PLXNC1: variants seen among roughly 807,000 people sequenced by gnomAD.
The protein encoded by PLXNC1 is plexin C1, also known as plexin-C1.
PLXNC1 carries 75 observed loss-of-function variants against 178.2 expected under a neutral mutation model. The observed-to-expected ratio is 0.42, with a 90% CI of 0.35 to 0.51. The LOEUF (loss-of-function observed/expected upper bound fraction) is 0.51. Ranked by LOEUF, PLXNC1 falls within the 20% of genes least tolerant of loss-of-function variation. The pLI, the probability that PLXNC1 is intolerant of heterozygous loss-of-function variation, is 0.02. For missense variants in PLXNC1, 1,503 were observed against 1,984.4 expected (o/e 0.76, Z 4.61); for synonymous variants, 790 against 779.9 (o/e 1.01, Z -0.22).
At chr12:94,165,319 A>C (rs1411568309) in intron 1 of PLXNC1, among the ~76,000 whole-genome samples, 1 of 152,200 alleles carries the variant, frequency 6.6e-6, no homozygotes, top group African/African-American at 2.4e-5. Context: ...AATAAGCATA[A>C]GAAAGCCATT....
Position 94,149,335 on chromosome 12 carries a change from C to A in PLXNC1, c.364C>A (p.Leu122Met). Residue 122 changes from leucine (L) to methionine (M), a missense_variant, in exon 1 of 31, where the codon CTG becomes ATG. This residue lies in a region of PLXNC1 where 176 missense variants were observed against 180.7 expected (regional missense o/e 0.97). Coordinates refer to ENST00000258526, the MANE Select transcript of PLXNC1 (RefSeq NM_005761.3). ...CGAGGGGGCGGCCGGCCTCGGGGGGCTGCTGCTCACCGGCTGGACCTTCGA... is the reference window on the plus strand; with the variant it reads ...CGAGGGGGCGGCCGGCCTCGGGGGGATGCTGCTCACCGGCTGGACCTTCGA... ...YREGAAGLGG[L>M]LLTGWTFDRG... 7 of 1,440,180 alleles carry A rather than the reference C, an allele frequency of 4.9e-6. No homozygotes were observed. The highest frequency in any genetic ancestry group is 6.3e-6 in the Non-Finnish European group (7 of 1,106,432). The allele number at this position is 1,440,180 out of a possible 1,614,324, so 89.2% of individuals were successfully genotyped here.
In PLXNC1 at chr12:94,303,748, T is replaced by C. The variant is rs1057978; in HGVS notation, c.4387-8T>C. On this transcript the variant is annotated splice_region_variant and splice_polypyrimidine_tract_variant and intron_variant, in intron 28 of 30. Coordinates refer to ENST00000258526, the MANE Select transcript of PLXNC1 (RefSeq NM_005761.3). ...TGATGGTTGCTTTTTTTTTTTTTTT[T>C]TCCCCAGGAAGCACCAACTAATAAG... 7,700 of 1,406,850 alleles carry C rather than the reference T, an allele frequency of 5.5e-3. 327 individuals carry two copies. The African/African-American group carries it at 0.099, about 18-fold the overall frequency. The allele number at this position is 1,406,850 out of a possible 1,614,324, so 87.1% of individuals were successfully genotyped here.
rs562626066 is a variant in PLXNC1 at position 94,177,113 on chromosome 12, A to G, written c.1204-4333A>G. On this transcript the variant is annotated intron_variant, in intron 2 of 30. Coordinates refer to ENST00000258526, the MANE Select transcript of PLXNC1 (RefSeq NM_005761.3). ...TGTGTATATATATATGTGTGTGTGT[A>G]TATATGTGTGTGTGTGTATATATAT... Among the ~76,000 whole-genome samples, 302 of 88,918 alleles carry G rather than the reference A, an allele frequency of 3.4e-3. 1 individual carries two copies. Among genetic ancestry groups the G allele is most frequent in the Admixed American group, 0.02 (175 of 8,972 alleles). 58.3% of individuals were successfully genotyped at this position (88,918 alleles called of 152,430 possible). A position where few individuals can be genotyped will look rare whatever the true frequency, so the allele number is the denominator to read the frequency against.
intron 14 of PLXNC1, among the ~76,000 whole-genome samples, chr12:94,250,457 A>C (rs1964649887): frequency 6.6e-6 from 1 of 152,166 alleles, no homozygotes; most frequent in Non-Finnish European, 1.5e-5. Context: ...CAGGTGGCAG[A>C]GCTGGTATGG....
At position 94,209,671 on chromosome 12, in the gene PLXNC1, T is replaced by TA; in HGVS notation, c.1525dup (p.Ile509AsnfsTer8). ...TTTCGTCTGGAGCAAAAAAGTGCCC[T>TA]AAAATTCAGATAATTCGAAGCAGTA... is the stretch of plus-strand genomic sequence containing the variant. On this transcript the variant is annotated frameshift_variant, in exon 5 of 31. Coordinates refer to ENST00000258526, the MANE Select transcript of PLXNC1 (RefSeq NM_005761.3). LOFTEE classifies it high-confidence loss of function. The TA allele has an allele frequency of 6.2e-7, 1 of 1,610,768 alleles. No homozygotes were observed.
At chr12:94,176,631 T>C (rs1238195346) in intron 2 of PLXNC1, among the ~76,000 whole-genome samples, 1 of 152,188 alleles carries the variant, frequency 6.6e-6, no homozygotes, top group South Asian at 2.1e-4. Context: ...ATGATATTGT[T>C]TAAAACTCAA....
chr12:94,168,000 C>G (rs965742044), intron 1 of PLXNC1: 2 of 152,142 alleles, frequency 1.3e-5, no homozygotes, highest in Non-Finnish European at 2.9e-5. Flanking sequence ...GTTAATGAAA[C>G]TTGGTGGGTT....
chr12:94,237,666 C>A lies in PLXNC1; in HGVS notation c.1983C>A (p.Val661=). 6.2e-7 allele frequency: 1 copy of A among 1,612,706 alleles called. No individual in the cohort carries two copies. The highest frequency in any genetic ancestry group is 1.1e-5 in the South Asian group (1 of 90,874). The change falls in exon 10 of 31, where the codon GTC becomes GTA. Residue 661 remains valine, a splice_region_variant and synonymous_variant. Transcript: ENST00000258526. ...KGNRTNQALQ[V]FYIKSIEPQK... is the part of the protein sequence containing the mutation. ...TTTTAATCTTTTCTTTCCAATAGGT[C>A]TTCTACATTAAGTCCATTGAGCCAC...
At position 94,274,156 on chromosome 12, in the gene PLXNC1, A is replaced by T. The variant is rs111669183; in HGVS notation, c.3598-5316A>T. Among the ~76,000 whole-genome samples, 215 of 23,088 alleles carry T rather than the reference A, an allele frequency of 9.3e-3. 3 individuals carry two copies. Among genetic ancestry groups the T allele is most frequent in the African/African-American group, 0.018 (206 of 11,464 alleles). The allele number at this position is 23,088 out of a possible 152,430, so 15.1% of individuals were successfully genotyped here. A position where few individuals can be genotyped will look rare whatever the true frequency, so the allele number is the denominator to read the frequency against. On this transcript the variant is annotated intron_variant, in intron 21 of 30. Coordinates refer to ENST00000258526, the MANE Select transcript of PLXNC1 (RefSeq NM_005761.3). ...GGCAACACAGCAAGACCCTGTCTCTAAAAAAAAAAAAAAAAAAAAAAAAAA... is the reference window on the plus strand; with the variant it reads ...GGCAACACAGCAAGACCCTGTCTCTTAAAAAAAAAAAAAAAAAAAAAAAAA...
At position 94,185,174 on chromosome 12, in the gene PLXNC1, G is replaced by A. The variant is rs186858764; in HGVS notation, c.1339-1199G>A. ...AAATACCTCTATTCTGGTTAATTCCGGCTCAGGATCACGGGCTGCCAGCTG... is the reference window on the plus strand; with the variant it reads ...AAATACCTCTATTCTGGTTAATTCCAGCTCAGGATCACGGGCTGCCAGCTG... On this transcript the variant is annotated intron_variant, in intron 3 of 30. Coordinates refer to ENST00000258526, the MANE Select transcript of PLXNC1 (RefSeq NM_005761.3). Among the ~76,000 whole-genome samples, 443 of 152,252 alleles carry A rather than the reference G, an allele frequency of 2.9e-3. 2 individuals are homozygous for A. The highest frequency in any genetic ancestry group is 0.01 in the African/African-American group (426 of 41,532).
intron 1 of PLXNC1, 145 bp from the exon 2 acceptor site, chr12:94,169,008 G>A (rs771218640): frequency 2.6e-5 from 18 of 703,458 alleles, no homozygotes; most frequent in Non-Finnish European, 3.0e-5. Flanking sequence ...GGTTGCTCCC[G>A]GGGAATCTAG....
rs1301977955 is a variant in PLXNC1, at chr12:94,240,498, C to T, written c.2134C>T (p.His712Tyr). Residue 712 changes from histidine to tyrosine, a missense_variant, in exon 11 of 31, where the codon CAT becomes TAT. His to Tyr is a moderately conservative substitution (Grantham distance 83, BLOSUM62 2). Transcript: ENST00000258526. Reference sequence around the variant, plus strand: ...ACTCTTTTCTAGGATACAGGTTAGCCATGTGCTAAATGACACCCACATGAA... The same window carrying T: ...ACTCTTTTCTAGGATACAGGTTAGCTATGTGCTAAATGACACCCACATGAA... ...TCDKDVIQVS[H>Y]VLNDTHMKFS... The T allele has an allele frequency of 1.9e-6, 3 of 1,613,364 alleles. No individual in the cohort carries two copies. Among genetic ancestry groups the T allele is most frequent in the East Asian group, 2.2e-5 (1 of 44,892 alleles).
chr12:94,258,909 T>C (rs1964925202), intron 17 of PLXNC1, among the ~76,000 whole-genome samples: 1 of 152,252 alleles, frequency 6.6e-6, no homozygotes, highest in African/African-American at 2.4e-5. Flanking sequence ...TATCATTGTG[T>C]ATTGAAACAG....
chr12:94,254,673 C>T (rs1218261298), intron 15 of PLXNC1, 114 bp from the exon 16 acceptor site: 1 of 723,032 alleles, frequency 1.4e-6, no homozygotes, highest in East Asian at 2.7e-5. Flanking sequence ...TGCTCTCTGT[C>T]CCTATCTGTT....
chr12:94,297,060 G>A, intron 24 of PLXNC1, 129 bp from the exon 25 acceptor site: 1 of 803,670 alleles, frequency 1.2e-6, no homozygotes, highest in Non-Finnish European at 2.1e-6. Context: ...TAGCTATGGA[G>A]AGCTCAAGTC....
At chr12:94,304,207 G>T in intron 30 of PLXNC1, 156 bp downstream of exon 30, 1 of 578,274 alleles carries the variant, frequency 1.7e-6, no homozygotes. Context: ...CACTGAGCCA[G>T]ACCCTGTACA....
chr12:94,256,466 A>T (rs1432461263), intron 17 of PLXNC1, among the ~76,000 whole-genome samples: 1 of 151,970 alleles, frequency 6.6e-6, no homozygotes, highest in African/African-American at 2.4e-5. Flanking sequence ...TGTTTCCTTT[A>T]ACTTATCCTC....
intron 20 of PLXNC1, among the ~76,000 whole-genome samples, chr12:94,263,089 C>G (rs539726568): frequency 2.0e-5 from 3 of 152,282 alleles, no homozygotes; most frequent in African/African-American, 7.2e-5. Context: ...AGGGGAATCA[C>G]GTACGCAGCG....
intron 4 of PLXNC1, among the ~76,000 whole-genome samples, chr12:94,205,024 A>G (rs1448912374): frequency 2.0e-5 from 3 of 152,196 alleles, no homozygotes; most frequent in Admixed American, 6.5e-5. Context: ...ATGAAATTTG[A>G]GTGGCAGGAA....
Sources: allele counts gnomAD v4.1 joint callset (sites outside exome capture counted in the v4.1 genomes callset), GRCh38; gene constraint gnomAD v4.1.1; regional missense constraint gnomAD v4.1.1; transcripts MANE v1.5; gene names NCBI Gene and HGNC (gene_info 2026-07-23, HGNC 2026-07-21).